ZNF438: variants seen among roughly 807,000 people sequenced by gnomAD.
ZNF438 encodes the protein zinc finger protein 438.
ZNF438 carries 25 observed loss-of-function variants against 38.0 expected under a neutral mutation model. The observed-to-expected ratio is 0.66, with a 90% CI of 0.48 to 0.92. ZNF438 has a LOEUF of 0.92. Among genes scored for constraint, ZNF438 ranks in the 40% least tolerant of loss-of-function variants. ZNF438 has a pLI of 0.00. For synonymous variants in ZNF438, 372 were observed against 364.1 expected (o/e 1.02, Z -0.25); for missense variants, 1,007 against 999.6 (o/e 1.01, Z -0.10).
chr10:30,953,382 C>T (rs2048457976), intron 1 of ZNF438, among the ~76,000 whole-genome samples: 1 of 150,758 alleles, frequency 6.6e-6, no homozygotes, highest in Non-Finnish European at 1.5e-5. Flanking sequence ...TGCACATGTA[C>T]CCTAAAACTT....
intron 4 of ZNF438, among the ~76,000 whole-genome samples, chr10:30,861,022 A>C (rs1044082873): frequency 6.6e-6 from 1 of 152,186 alleles, no homozygotes; most frequent in African/African-American, 2.4e-5. Context: ...AAAGTTAGGC[A>C]CTGAAAGAGG....
At chr10:30,946,412 A>T (rs1192346256) in intron 1 of ZNF438, among the ~76,000 whole-genome samples, 1 of 152,190 alleles carries the variant, frequency 6.6e-6, no homozygotes, top group Non-Finnish European at 1.5e-5. Context: ...CAGGCAACCT[A>T]CAAAAGGGGA....
chr10:30,888,967 C>T (rs1309282519), intron 3 of ZNF438, among the ~76,000 whole-genome samples: 3 of 152,168 alleles, frequency 2.0e-5, no homozygotes, highest in African/African-American at 7.2e-5. Context: ...TCCACAGTGA[C>T]CAAACTAATT....
intron 1 of ZNF438, among the ~76,000 whole-genome samples, chr10:30,948,809 A>C (rs1035390372): frequency 4.0e-4 from 60 of 150,852 alleles, no homozygotes; most frequent in Non-Finnish European, 7.0e-4. Flanking sequence ...GAATGGAACC[A>C]AGTTGGAAAA....
At chr10:30,883,637 G>C (rs1405613696) in intron 3 of ZNF438, among the ~76,000 whole-genome samples, 2 of 152,098 alleles carry the variant, frequency 1.3e-5, no homozygotes, top group Admixed American at 1.3e-4. Flanking sequence ...TTTGGGGGCA[G>C]AGGTGGAAGC....
intron 3 of ZNF438, among the ~76,000 whole-genome samples, chr10:30,903,152 T>G (rs1260494377): frequency 6.6e-6 from 1 of 152,152 alleles, no homozygotes; most frequent in East Asian, 1.9e-4. Context: ...AAGCGCTGCA[T>G]GCAGCCCCGG....
At chr10:30,926,298 C>T (rs1163366000) in intron 2 of ZNF438, among the ~76,000 whole-genome samples, 2 of 152,116 alleles carry the variant, frequency 1.3e-5, no homozygotes, top group Non-Finnish European at 2.9e-5. Context: ...TTTAAAAATG[C>T]CTGATACAAC....
At chr10:30,876,580 A>G (rs2038455452) in intron 4 of ZNF438, among the ~76,000 whole-genome samples, 1 of 152,214 alleles carries the variant, frequency 6.6e-6, no homozygotes, top group African/African-American at 2.4e-5. Flanking sequence ...CACAAATTCT[A>G]TATCCTCTAA....
At chr10:30,936,570 A>G (rs2046278512) in intron 2 of ZNF438, among the ~76,000 whole-genome samples, 1 of 152,192 alleles carries the variant, frequency 6.6e-6, no homozygotes, top group African/African-American at 2.4e-5. Flanking sequence ...GCTACTCAAG[A>G]GGCTGAGGCA....
At chr10:30,999,142 C>A (rs1484556606) in intron 1 of ZNF438, among the ~76,000 whole-genome samples, 1 of 152,086 alleles carries the variant, frequency 6.6e-6, no homozygotes, top group African/African-American at 2.4e-5. Flanking sequence ...GCTTTTGAAG[C>A]CCAAAACATT....
intron 1 of ZNF438, among the ~76,000 whole-genome samples, chr10:30,973,949 G>A (rs1407028615): frequency 2.0e-5 from 3 of 152,178 alleles, no homozygotes; most frequent in African/African-American, 4.8e-5. Flanking sequence ...GGGCAGCATC[G>A]TGTTACTGCC....
chr10:30,855,482 T>A (rs1401671201), intron 4 of ZNF438, among the ~76,000 whole-genome samples: 1 of 152,210 alleles, frequency 6.6e-6, no homozygotes, highest in Non-Finnish European at 1.5e-5. Context: ...TCTGGATCTA[T>A]CAGGAAGTAC....
chr10:30,988,996 G>C (rs897028886), intron 1 of ZNF438, among the ~76,000 whole-genome samples: 1 of 152,142 alleles, frequency 6.6e-6, no homozygotes, highest in Non-Finnish European at 1.5e-5. Context: ...TATTCAATCA[G>C]ATGAAGGCCT....
intron 4 of ZNF438, among the ~76,000 whole-genome samples, chr10:30,873,796 C>T (rs914353755): frequency 6.6e-6 from 1 of 152,118 alleles, no homozygotes; most frequent in African/African-American, 2.4e-5. Context: ...CTGCTTCTAC[C>T]ATATGAACTT....
chr10:31,003,234 A>C (rs566397824), intron 1 of ZNF438, among the ~76,000 whole-genome samples: 3 of 152,308 alleles, frequency 2.0e-5, no homozygotes, highest in Non-Finnish European at 2.9e-5. Flanking sequence ...CTTCCAGCCC[A>C]AGATGATGTG....
At chr10:30,952,199 T>C (rs1329206852) in intron 1 of ZNF438, among the ~76,000 whole-genome samples, 2 of 151,530 alleles carry the variant, frequency 1.3e-5, no homozygotes, top group African/African-American at 2.4e-5. Flanking sequence ...GCTAGACATA[T>C]GTAGAAAGCT....
intron 1 of ZNF438, among the ~76,000 whole-genome samples, chr10:30,975,229 C>CTCAA (rs753965488): frequency 2.0e-5 from 3 of 152,054 alleles, no homozygotes; most frequent in Non-Finnish European, 4.4e-5. Context: ...CTAAATGGTC[C>CTCAA]TCAAGCATGT....
At chr10:31,024,784 C>T (rs1390127381) in intron 1 of ZNF438, among the ~76,000 whole-genome samples, 1 of 152,008 alleles carries the variant, frequency 6.6e-6, no homozygotes, top group Middle Eastern at 3.2e-3. Flanking sequence ...CTGTTTGTAA[C>T]AATCAAAAAT....
exon 6 of ZNF438, chr10:30,845,366 C>T (rs1287856892): frequency 3.1e-6 from 5 of 1,614,196 alleles, no homozygotes; most frequent in Non-Finnish European, 4.2e-6. Flanking sequence ...TAGCGTGCTG[C>T]ACCAACTCTT....
Sources: allele counts gnomAD v4.1 joint callset (sites outside exome capture counted in the v4.1 genomes callset), GRCh38; gene constraint gnomAD v4.1.1; transcripts MANE v1.5; gene names NCBI Gene and HGNC (gene_info 2026-07-23, HGNC 2026-07-21).